RBFOX1: variants seen among roughly 807,000 people sequenced by gnomAD.
RBFOX1 encodes RNA binding fox-1 homolog 1.
RBFOX1 carries 8 observed loss-of-function variants against 57.7 expected under a neutral mutation model. That is an observed-to-expected ratio of 0.14 (90% confidence interval 0.08 to 0.25). RBFOX1 has a LOEUF of 0.25. RBFOX1 is among the 10% of genes least tolerant of loss of function. The pLI, the probability that RBFOX1 is intolerant of heterozygous loss-of-function variation, is 1.00. For missense variants in RBFOX1, 611 were observed against 548.5 expected, an observed-to-expected ratio of 1.11 and a Z score of -1.14; for synonymous variants, 326 against 222.4, an observed-to-expected ratio of 1.47 and a Z score of -4.15.
chr16:5,291,918 C>G (rs529441291), intron 1 of RBFOX1, among the ~76,000 whole-genome samples: 1 of 151,910 alleles, frequency 6.6e-6, no homozygotes, highest in East Asian at 1.9e-4. Context: ...CCGAAGGTTA[C>G]TTGGGGTCCC....
chr16:7,432,714 G>T (rs974043584), intron 4 of RBFOX1, among the ~76,000 whole-genome samples: 1 of 152,150 alleles, frequency 6.6e-6, no homozygotes, highest in African/African-American at 2.4e-5. Context: ...TGGCCTATGG[G>T]CCATAGTTTG....
At chr16:5,422,775 G>T (rs1162804387) in intron 1 of RBFOX1, among the ~76,000 whole-genome samples, 2 of 134,690 alleles carry the variant, frequency 1.5e-5, no homozygotes, top group African/African-American at 5.7e-5. Context: ...GATGGAGAGG[G>T]AGAAGGGAGA....
At chr16:6,500,336 A>C (rs1187918034) in intron 2 of RBFOX1, among the ~76,000 whole-genome samples, 1 of 152,176 alleles carries the variant, frequency 6.6e-6, no homozygotes, top group Non-Finnish European at 1.5e-5. Context: ...CTGCACATGG[A>C]CATGGATGCA....
At chr16:5,284,545 T>C (rs554352655) in intron 1 of RBFOX1, among the ~76,000 whole-genome samples, 96 of 150,632 alleles carry the variant, frequency 6.4e-4, no homozygotes, top group African/African-American at 2.1e-3. Flanking sequence ...TTTTCTTTTT[T>C]TTTTTTTTTT....
intron 2 of RBFOX1, among the ~76,000 whole-genome samples, chr16:6,396,293 C>G (rs1276155576): frequency 6.6e-6 from 1 of 152,074 alleles, no homozygotes; most frequent in Non-Finnish European, 1.5e-5. Flanking sequence ...AAATGAGATG[C>G]ATTTGATATT....
At chr16:5,617,771 C>G (rs775743920) in intron 3 of RBFOX1, among the ~76,000 whole-genome samples, 1 of 152,138 alleles carries the variant, frequency 6.6e-6, no homozygotes, top group Non-Finnish European at 1.5e-5. Flanking sequence ...AAGGTTTGCT[C>G]TTTGATTTGT....
chr16:6,564,922 C>G (rs2097237954), intron 2 of RBFOX1, among the ~76,000 whole-genome samples: 1 of 152,054 alleles, frequency 6.6e-6, no homozygotes, highest in Admixed American at 6.6e-5. Context: ...GGGAGGATCA[C>G]TTGAGGTCAG....
chr16:6,666,870 G>A (rs939579968), intron 3 of RBFOX1, among the ~76,000 whole-genome samples: 3 of 152,028 alleles, frequency 2.0e-5, no homozygotes, highest in Admixed American at 2.0e-4. Flanking sequence ...GTATTATCTC[G>A]GGGTCCTCAA....
chr16:7,252,870 T>A (rs1452985691), intron 4 of RBFOX1, among the ~76,000 whole-genome samples: 1 of 152,124 alleles, frequency 6.6e-6, no homozygotes, highest in African/African-American at 2.4e-5. Flanking sequence ...CCCTAACTCA[T>A]ATGACCTACC....
intron 3 of RBFOX1, among the ~76,000 whole-genome samples, chr16:6,839,039 C>T (rs2093307435): frequency 6.6e-6 from 1 of 151,676 alleles, no homozygotes. Context: ...GGCTGGAGTG[C>T]AGTGCTGTGA....
At chr16:5,612,439 T>A (rs1342821731) in intron 3 of RBFOX1, among the ~76,000 whole-genome samples, 1 of 150,586 alleles carries the variant, frequency 6.6e-6, no homozygotes, top group Non-Finnish European at 1.5e-5. Flanking sequence ...ACCCCCCCTC[T>A]GTGGGTCTAC....
In RBFOX1 at chr16:6,168,597, T is replaced by A. The variant is rs1007914894; in HGVS notation, c.-126-148398T>A. Among the ~76,000 whole-genome samples, 4 of 152,146 alleles carry A rather than the reference T, an allele frequency of 2.6e-5. No homozygotes were observed. The East Asian group carries it at 7.7e-4, about 29-fold the overall frequency. On this transcript the variant is annotated intron_variant, in intron 1 of 15. Transcript: ENST00000550418. ...CCGTCAGATAACAGATAATCAATAT[T>A]TTTATTTTTCTGGAAGTAAGATCGC... is the stretch of plus-strand genomic sequence containing the variant.
chr16:5,911,808 A>G (rs1171061495), intron 4 of RBFOX1, among the ~76,000 whole-genome samples: 1 of 152,102 alleles, frequency 6.6e-6, no homozygotes, highest in Non-Finnish European at 1.5e-5. Flanking sequence ...GGAGCTCTCT[A>G]GGACTTCTTT....
intron 3 of RBFOX1, among the ~76,000 whole-genome samples, chr16:5,690,726 G>A (rs1265292821): frequency 2.6e-5 from 4 of 152,148 alleles, no homozygotes; most frequent in East Asian, 3.9e-4. Flanking sequence ...GGAAACTGAC[G>A]TTGGGGTGAG....
chr16:7,024,084 G>C (rs949080107), intron 3 of RBFOX1, among the ~76,000 whole-genome samples: 1 of 152,084 alleles, frequency 6.6e-6, no homozygotes, highest in East Asian at 1.9e-4. Context: ...GCAGGGTGTG[G>C]CTTGGCTTAC....
At chr16:7,524,066 C>T (rs769128746) in intron 5 of RBFOX1, among the ~76,000 whole-genome samples, 1 of 152,168 alleles carries the variant, frequency 6.6e-6, no homozygotes, top group African/African-American at 2.4e-5. Flanking sequence ...AGTGCTGTAC[C>T]TGGAATAGCT....
At chr16:5,456,168 AATACCT>A (rs1177624382) in intron 1 of RBFOX1, among the ~76,000 whole-genome samples, 2 of 152,152 alleles carry the variant, frequency 1.3e-5, no homozygotes, top group Admixed American at 6.5e-5. Context: ...AAAAACTTAC[AATACCT>A]TAAGCCCATT....
intron 4 of RBFOX1, among the ~76,000 whole-genome samples, chr16:7,383,092 T>C (rs1436558538): frequency 6.6e-6 from 1 of 152,140 alleles, no homozygotes; most frequent in Non-Finnish European, 1.5e-5. Flanking sequence ...CAGTTGATCT[T>C]AGATTCTGAT....
At chr16:5,795,278 A>C (rs1327521073) in intron 3 of RBFOX1, among the ~76,000 whole-genome samples, 2 of 150,228 alleles carry the variant, frequency 1.3e-5, no homozygotes, top group African/African-American at 2.4e-5. Context: ...GATCTGTTCC[A>C]CCTTATTGTC....
Sources: gnomAD v4.1 joint callset for allele counts (sites outside exome capture counted in the v4.1 genomes callset) on GRCh38, gnomAD v4.1.1 for gene constraint, MANE v1.5 for transcripts, NCBI Gene and HGNC (gene_info 2026-07-23, HGNC 2026-07-21) for gene names.